Variants in TET1 observed in about 807,000 individuals in gnomAD.
TET1 encodes tet methylcytosine dioxygenase 1.
In TET1, 13 loss-of-function variants were observed where a neutral mutation model predicts 148.7. The observed-to-expected ratio is 0.09, with a 90% CI of 0.06 to 0.14. The LOEUF (loss-of-function observed/expected upper bound fraction) is 0.14. Among genes scored for constraint, TET1 ranks in the 10% least tolerant of loss-of-function variants. TET1 has a pLI of 1.00. For missense variants in TET1, 2,182 were observed against 2,553.8 expected (o/e 0.85, Z 3.14); for synonymous variants, 907 against 937.2 (o/e 0.97, Z 0.59).
intron 4 of TET1, among the ~76,000 whole-genome samples, chr10:68,647,900 G>A (rs764647854): frequency 2.0e-5 from 3 of 152,128 alleles, no homozygotes; most frequent in Non-Finnish European, 4.4e-5. Flanking sequence ...AAGAGCACTT[G>A]ATATTCTGGA....
intron 9 of TET1, among the ~76,000 whole-genome samples, chr10:68,681,741 C>T (rs111814491): frequency 0.11 from 16,007 of 152,080 alleles, 1,055 homozygotes; most frequent in South Asian, 0.18. Flanking sequence ...CCAAGGCAGT[C>T]GGATCACCTG....
At chr10:68,561,546 C>A (rs1248802782) in intron 1 of TET1, among the ~76,000 whole-genome samples, 1 of 152,162 alleles carries the variant, frequency 6.6e-6, no homozygotes, top group Non-Finnish European at 1.5e-5. Context: ...CCGGAGCGGG[C>A]CCCGAGGGTG....
rs2055616772 is a variant in TET1 at position 68,693,310 on chromosome 10, ACATT to A, written c.*1499_*1502del. On this transcript the variant is annotated 3_prime_UTR_variant, in exon 12 of 12. Transcript: ENST00000373644. ...TCTGTTAAAATGCAGAGGTGCTATA[ACATT>A]CAAAGTGTCAGATTCCTTGGGAGTA... The A allele has an allele frequency of 4.3e-6, 1 of 233,100 alleles. No homozygotes were observed. Among genetic ancestry groups the A allele is most frequent in the Non-Finnish European group, 8.5e-6 (1 of 117,844 alleles). The allele number at this position is 233,100 out of a possible 1,614,324, so 14.4% of individuals were successfully genotyped here. A position where few individuals can be genotyped will look rare whatever the true frequency, so the allele number is the denominator to read the frequency against.
intron 2 of TET1, among the ~76,000 whole-genome samples, chr10:68,577,414 A>G (rs1258459864): frequency 1.3e-5 from 2 of 152,168 alleles, no homozygotes; most frequent in Non-Finnish European, 2.9e-5. Flanking sequence ...TGGCACTTCG[A>G]GAGGCTGAGG....
chr10:68,626,498 G>A (rs549719397), intron 3 of TET1, among the ~76,000 whole-genome samples: 1 of 151,464 alleles, frequency 6.6e-6, no homozygotes, highest in African/African-American at 2.4e-5. Flanking sequence ...ACTGCACCTG[G>A]CCTAGACATT....
chr10:68,577,322 C>T (rs1161284629), intron 2 of TET1, among the ~76,000 whole-genome samples: 1 of 152,050 alleles, frequency 6.6e-6, no homozygotes, highest in Non-Finnish European at 1.5e-5. Context: ...GCTGGGATTA[C>T]AGGCGTGAGC....
At chr10:68,581,628 G>A (rs1483493601) in intron 2 of TET1, among the ~76,000 whole-genome samples, 1 of 152,144 alleles carries the variant, frequency 6.6e-6, no homozygotes, top group African/African-American at 2.4e-5. Context: ...GATTGCTTGA[G>A]CCCTGGCATT....
Position 68,692,458 on chromosome 10 carries a change from CTT to C in TET1, c.*645_*646del, listed in dbSNP as rs2055606147. On this transcript the variant is annotated 3_prime_UTR_variant, in exon 12 of 12. Coordinates refer to ENST00000373644, the MANE Select transcript of TET1 (RefSeq NM_030625.3). ...AAGCACTTTCTATTTTTAAAAGTAA[CTT>C]GAAATAATATAGTATAAGAATCCTA... The C allele has an allele frequency of 4.3e-6, 1 of 231,772 alleles. No homozygotes were observed. The highest frequency in any genetic ancestry group is 1.8e-4 in the South Asian group (1 of 5,508). The allele number at this position is 231,772 out of a possible 1,614,324, so 14.4% of individuals were successfully genotyped here.
chr10:68,577,583 A>G (rs59583303), intron 2 of TET1, among the ~76,000 whole-genome samples: 4 of 151,976 alleles, frequency 2.6e-5, no homozygotes, highest in African/African-American at 9.7e-5. Flanking sequence ...CAAGGCAGGC[A>G]GATCACCTGA....
chr10:68,595,953 TATATATATAC>T (rs1448717149), intron 2 of TET1, among the ~76,000 whole-genome samples: 24 of 33,018 alleles, frequency 7.3e-4, no homozygotes, highest in East Asian at 4.2e-3. Flanking sequence ...TATATATATA[TATATATATAC>T]ACACACACAC....
At position 68,646,209 on chromosome 10, in the gene TET1, AAAG is replaced by A. The variant is rs1483181062; in HGVS notation, c.3484_3486del (p.Lys1162del). ...CCACCCCATCAAGAGATCGGCGGAA[AAAG>A]AAGCCCACAGTTGTAAGTTATCAAG... On this transcript the variant is annotated inframe_deletion, in exon 4 of 12. Coordinates refer to ENST00000373644, the MANE Select transcript of TET1 (RefSeq NM_030625.3). 1.2e-6 allele frequency: 2 copies of A among 1,614,178 alleles called. No homozygotes were observed. The highest frequency in any genetic ancestry group is 3.3e-5 in the Admixed American group (2 of 60,014).
intron 4 of TET1, among the ~76,000 whole-genome samples, chr10:68,649,842 C>A (rs1771356767): frequency 6.6e-6 from 1 of 152,118 alleles, no homozygotes; most frequent in South Asian, 2.1e-4. Context: ...TGAATAAATA[C>A]CTGCAGGGGA....
At chr10:68,611,657 T>TTCTTC (rs2054213482) in intron 3 of TET1, among the ~76,000 whole-genome samples, 1 of 138,002 alleles carries the variant, frequency 7.2e-6, no homozygotes, top group Non-Finnish European at 1.6e-5. Flanking sequence ...TTTCTTTCTT[T>TTCTTC]TCTTTTCTTT....
At chr10:68,640,967 A>T (rs2133067573) in intron 3 of TET1, among the ~76,000 whole-genome samples, 1 of 151,684 alleles carries the variant, frequency 6.6e-6, no homozygotes, top group East Asian at 1.9e-4. Context: ...TAATATTTAT[A>T]TGATGGTCGC....
intron 2 of TET1, among the ~76,000 whole-genome samples, chr10:68,598,106 G>A (rs1026434817): frequency 5.3e-5 from 8 of 152,060 alleles, no homozygotes; most frequent in African/African-American, 1.9e-4. Context: ...TAGTTAAAAT[G>A]GGCTGGGCGC....
chr10:68,610,775 C>A (rs76593889), intron 3 of TET1, among the ~76,000 whole-genome samples: 2,269 of 152,058 alleles, frequency 0.015, 46 homozygotes, highest in African/African-American at 0.052. Flanking sequence ...TTTACTTCAG[C>A]CTCCCAAATA....
intron 3 of TET1, among the ~76,000 whole-genome samples, chr10:68,626,588 G>C (rs2054486039): frequency 6.6e-6 from 1 of 151,746 alleles, no homozygotes; most frequent in Admixed American, 6.6e-5. Flanking sequence ...GTCTCACTCT[G>C]TCACCAGGCT....
At chr10:68,602,822 T>A (rs1409545442) in intron 3 of TET1, among the ~76,000 whole-genome samples, 2 of 152,140 alleles carry the variant, frequency 1.3e-5, no homozygotes, top group South Asian at 2.1e-4. Flanking sequence ...GGAAAAAAAA[T>A]TTCTGATGTT....
chr10:68,682,862 A>T lies in TET1; in HGVS notation c.4941A>T (p.Glu1647Asp), dbSNP rs754512005. 6.2e-7 allele frequency: 1 copy of T among 1,613,570 alleles called. No individual in the cohort carries two copies. The highest frequency in any genetic ancestry group is 1.7e-5 in the Admixed American group (1 of 59,838). ...NQVEYENVARECRLGSKEGRP... is the reference protein window; with the variant it reads ...NQVEYENVARDCRLGSKEGRP... ...TGGAATATGAAAATGTTGCCCGAGA[A>T]TGTCGGCTTGGCAGCAAGGAAGGTC... Residue 1647 changes from glutamate to aspartate, a missense_variant, in exon 10 of 12, where the codon GAA (glutamate) becomes GAT (aspartate). Physicochemically the swap from Glu to Asp is conservative, Grantham distance 45 (BLOSUM62 2). Coordinates refer to ENST00000373644, the MANE Select transcript of TET1 (RefSeq NM_030625.3).
Sources: allele counts gnomAD v4.1 joint callset (sites outside exome capture counted in the v4.1 genomes callset), GRCh38; gene constraint gnomAD v4.1.1; transcripts MANE v1.5; gene names NCBI Gene and HGNC (gene_info 2026-07-23, HGNC 2026-07-21).